ARSB: variants seen among roughly 807,000 people sequenced by gnomAD.
ARSB encodes the protein N-acetylgalactosamine-4-sulfatase.
A neutral mutation model predicts 50.9 loss-of-function variants in ARSB; 41 were observed. That is an observed-to-expected ratio of 0.81 (90% CI 0.63 to 1.04). The LOEUF (loss-of-function observed/expected upper bound fraction) is 1.04. Ranked by LOEUF, ARSB falls within the 50% of genes least tolerant of loss-of-function variation. ARSB has a pLI of 0.00. For synonymous variants in ARSB, 269 were observed against 284.8 expected (o/e 0.94, Z 0.56); for missense variants, 672 against 693.3 (o/e 0.97, Z 0.35).
At position 78,780,668 on chromosome 5, in the gene ARSB, A is replaced by G. The variant is rs758986089; in HGVS notation, c.1337-6T>C. 7 of 1,613,884 alleles carry G rather than the reference A, an allele frequency of 4.3e-6. No homozygotes were observed. In the African/African-American group the frequency reaches 9.3e-5, roughly 22 times the overall value. On this transcript the variant is annotated splice_polypyrimidine_tract_variant and splice_region_variant and intron_variant, in intron 7 of 7. Transcript: ENST00000264914. ...AGGGAACCAGTAACCACAGCCTAGC[A>G]AAGAAAACAAAACAGTTTACTGAGG...
chr5:78,816,250 C>T, intron 6 of ARSB: 5 of 1,539,282 alleles, frequency 3.2e-6, no homozygotes, highest in Non-Finnish European at 3.5e-6. Context: ...CAAGGACTGT[C>T]TCCTTCATTA....
intron 4 of ARSB, among the ~76,000 whole-genome samples, chr5:78,901,045 A>AG (rs1200797282): frequency 3.1e-5 from 2 of 63,652 alleles, no homozygotes; most frequent in African/African-American, 8.9e-5. Flanking sequence ...ACTCCGTCTC[A>AG]GGAAAAAAAA....
intron 6 of ARSB, among the ~76,000 whole-genome samples, chr5:78,789,279 T>C (rs1472041979): frequency 1.3e-5 from 2 of 152,234 alleles, no homozygotes; most frequent in Admixed American, 6.5e-5. Flanking sequence ...CATTTTCGTA[T>C]ATAGCCTTTG....
chr5:78,952,640 C>T (rs1475433587), intron 4 of ARSB, among the ~76,000 whole-genome samples: 1 of 152,150 alleles, frequency 6.6e-6, no homozygotes, highest in Non-Finnish European at 1.5e-5. Flanking sequence ...CCCAGCCTCC[C>T]ATGCATTCTT....
intron 3 of ARSB, among the ~76,000 whole-genome samples, chr5:78,963,018 C>T (rs747012395): frequency 4.6e-5 from 7 of 152,202 alleles, no homozygotes; most frequent in Non-Finnish European, 8.8e-5. Context: ...TCCTCCAAAC[C>T]TCATGTTTAA....
chr5:78,927,437 T>C (rs904465110), intron 4 of ARSB, among the ~76,000 whole-genome samples: 3 of 152,174 alleles, frequency 2.0e-5, no homozygotes, highest in Non-Finnish European at 4.4e-5. Flanking sequence ...CAGGGCACTA[T>C]TTAGTATTGA....
intron 5 of ARSB, among the ~76,000 whole-genome samples, chr5:78,863,446 T>C (rs139070528): frequency 3.3e-4 from 50 of 152,264 alleles, no homozygotes; most frequent in African/African-American, 1.1e-3. Flanking sequence ...GACGAGTTCA[T>C]GTCCTTTGTA....
Position 78,968,928 on chromosome 5 carries a change from T to G in ARSB, c.499+78A>C, listed in dbSNP as rs941303609. ...GTGTTCAAATATCCAGTTCTTTCAT[T>G]TGATTGCACTTGGGTGTGTTTTATG... On this transcript the variant is annotated intron_variant, in intron 2 of 7. Coordinates refer to ENST00000264914, the MANE Select transcript of ARSB (RefSeq NM_000046.5). 1.1e-5 allele frequency: 16 copies of G among 1,498,298 alleles called. No individual in the cohort carries two copies. In the African/African-American group the frequency reaches 1.8e-4, roughly 17 times the overall value. The allele number at this position is 1,498,298 out of a possible 1,614,324, so 92.8% of individuals were successfully genotyped here. A position where few individuals can be genotyped will look rare whatever the true frequency, so the allele number is the denominator to read the frequency against.
intron 1 of ARSB, among the ~76,000 whole-genome samples, chr5:78,971,414 A>G (rs1047398469): frequency 6.6e-6 from 1 of 152,222 alleles, no homozygotes; most frequent in Non-Finnish European, 1.5e-5. Flanking sequence ...CTGGGGACAC[A>G]GGAGGTAAGA....
intron 5 of ARSB, among the ~76,000 whole-genome samples, chr5:78,866,730 G>A (rs766835786): frequency 2.0e-5 from 3 of 152,308 alleles, no homozygotes; most frequent in South Asian, 2.1e-4. Flanking sequence ...AGGGAAGGAA[G>A]GACATGGCCA....
At chr5:78,806,639 A>G (rs1201552705) in intron 6 of ARSB, among the ~76,000 whole-genome samples, 1 of 152,218 alleles carries the variant, frequency 6.6e-6, no homozygotes, top group African/African-American at 2.4e-5. Context: ...GCCCACGCAC[A>G]GCACTCTACA....
intron 6 of ARSB, among the ~76,000 whole-genome samples, chr5:78,805,342 G>C (rs1743523227): frequency 6.6e-6 from 1 of 152,212 alleles, no homozygotes; most frequent in African/African-American, 2.4e-5. Flanking sequence ...GCAGCTATAA[G>C]ACATTATCAG....
intron 6 of ARSB, among the ~76,000 whole-genome samples, chr5:78,811,022 G>T (rs1743789061): frequency 6.6e-6 from 1 of 152,160 alleles, no homozygotes; most frequent in African/African-American, 2.4e-5. Flanking sequence ...ATGAAAAAAT[G>T]TCCAGAGCTG....
chr5:78,934,188 A>G (rs1750481651), intron 4 of ARSB, among the ~76,000 whole-genome samples: 2 of 152,358 alleles, frequency 1.3e-5, no homozygotes, highest in Middle Eastern at 3.4e-3. Context: ...ATCCTGGAAC[A>G]TCAATAATGG....
At chr5:78,862,425 C>G (rs1013939743) in intron 5 of ARSB, among the ~76,000 whole-genome samples, 5 of 152,100 alleles carry the variant, frequency 3.3e-5, no homozygotes, top group Non-Finnish European at 7.4e-5. Context: ...AGATATAGAC[C>G]AATGGAACAG....
intron 4 of ARSB, among the ~76,000 whole-genome samples, chr5:78,926,084 C>T (rs976020880): frequency 5.3e-5 from 8 of 152,000 alleles, no homozygotes; most frequent in African/African-American, 1.9e-4. Context: ...ATTAAAATTT[C>T]AAAGAAAATA....
chr5:78,947,159 C>A (rs187353232), intron 4 of ARSB, among the ~76,000 whole-genome samples: 1 of 152,258 alleles, frequency 6.6e-6, no homozygotes, highest in African/African-American at 2.4e-5. Context: ...AGTCTAAGAA[C>A]ACAAACTATG....
chr5:78,905,855 C>T (rs1159959664), intron 4 of ARSB, among the ~76,000 whole-genome samples: 3 of 149,154 alleles, frequency 2.0e-5, no homozygotes, highest in African/African-American at 7.4e-5. Flanking sequence ...GGTTGTAGTT[C>T]CCCATTCTGT....
intron 5 of ARSB, among the ~76,000 whole-genome samples, chr5:78,877,162 T>G (rs1336401662): frequency 6.6e-6 from 1 of 151,872 alleles, no homozygotes; most frequent in Non-Finnish European, 1.5e-5. Context: ...TCACACAGAG[T>G]TGGGAACAGT....
Sources: allele counts gnomAD v4.1 joint callset (sites outside exome capture counted in the v4.1 genomes callset), GRCh38; gene constraint gnomAD v4.1.1; transcripts MANE v1.5; gene names NCBI Gene and HGNC (gene_info 2026-07-23, HGNC 2026-07-21).